CTNNAL1: variants seen among roughly 807,000 people sequenced by gnomAD.
CTNNAL1 encodes the protein catenin alpha like 1, also known as alpha-catulin.
A neutral mutation model predicts 93.6 loss-of-function variants in CTNNAL1; 69 were observed. The ratio of observed to expected loss-of-function variants is 0.74; its 90% CI spans 0.61 to 0.90. CTNNAL1 has a LOEUF of 0.90. Among genes scored for constraint, CTNNAL1 ranks in the 40% least tolerant of loss-of-function variants. The pLI is 0.00. For missense variants in CTNNAL1, 836 were observed against 862.0 expected, an observed-to-expected ratio of 0.97 and a Z score of 0.38; for synonymous variants, 286 against 305.4, an observed-to-expected ratio of 0.94 and a Z score of 0.66.
intron 12 of CTNNAL1, among the ~76,000 whole-genome samples, chr9:108,952,811 G>C (rs1366227353): frequency 6.6e-6 from 1 of 152,124 alleles, no homozygotes; most frequent in Admixed American, 6.5e-5. Flanking sequence ...CAGTATTCCT[G>C]GAGTCCAATT....
chr9:108,993,957 C>T (rs1831912150), intron 2 of CTNNAL1, among the ~76,000 whole-genome samples: 1 of 152,192 alleles, frequency 6.6e-6, no homozygotes, highest in Non-Finnish European at 1.5e-5. Flanking sequence ...CTGGCAGGCA[C>T]AGTGGCTCAC....
intron 7 of CTNNAL1, among the ~76,000 whole-genome samples, chr9:108,977,716 A>G (rs535600098): frequency 2.6e-5 from 4 of 152,308 alleles, no homozygotes; most frequent in African/African-American, 9.6e-5. Flanking sequence ...TAGATATTCA[A>G]TTCTTTGCAT....
chr9:108,961,759 C>T (rs1432313699), intron 11 of CTNNAL1, among the ~76,000 whole-genome samples: 2 of 152,200 alleles, frequency 1.3e-5, no homozygotes, highest in Non-Finnish European at 2.9e-5. Context: ...CTCAAAAGGG[C>T]AGGTAATGTG....
chr9:109,002,102 C>T (rs1447172188), intron 1 of CTNNAL1, among the ~76,000 whole-genome samples: 1 of 152,184 alleles, frequency 6.6e-6, no homozygotes, highest in Non-Finnish European at 1.5e-5. Flanking sequence ...GCTCCTATAA[C>T]AAAATACCTT....
At chr9:108,962,543 A>C (rs565909695) in intron 11 of CTNNAL1, among the ~76,000 whole-genome samples, 1 of 152,318 alleles carries the variant, frequency 6.6e-6, no homozygotes, top group South Asian at 2.1e-4. Flanking sequence ...ATTTGTACAA[A>C]GAAGCAAGGA....
At chr9:109,000,705 A>T (rs543453016) in intron 1 of CTNNAL1, among the ~76,000 whole-genome samples, 32 of 146,866 alleles carry the variant, frequency 2.2e-4, no homozygotes, top group Admixed American at 4.1e-4. Context: ...CAGTGGAGGA[A>T]AAAAAAAAAA....
At chr9:108,977,619 C>G (rs904409946) in intron 7 of CTNNAL1, among the ~76,000 whole-genome samples, 1 of 152,142 alleles carries the variant, frequency 6.6e-6, no homozygotes, top group Admixed American at 6.5e-5. Context: ...TAAAGTCTAT[C>G]TTCCCCACTA....
intron 1 of CTNNAL1, among the ~76,000 whole-genome samples, chr9:109,000,204 A>G (rs1338032902): frequency 6.6e-6 from 1 of 152,220 alleles, no homozygotes; most frequent in Non-Finnish European, 1.5e-5. Context: ...TTTAATATCT[A>G]AATTTCCTCA....
At chr9:108,974,198 G>A (rs1831196282) in intron 8 of CTNNAL1, among the ~76,000 whole-genome samples, 2 of 152,126 alleles carry the variant, frequency 1.3e-5, no homozygotes, top group Non-Finnish European at 2.9e-5. Flanking sequence ...ATTCTATGAG[G>A]TTGACATGGA....
Position 108,942,742 on chromosome 9 carries a change from T to C in CTNNAL1, c.*27A>G, listed in dbSNP as rs1204937205. 7.2e-7 allele frequency: 1 copy of C among 1,384,294 alleles called. No homozygotes were observed. Among genetic ancestry groups the C allele is most frequent in the Non-Finnish European group, 1.0e-6 (1 of 979,722 alleles). 85.8% of individuals were successfully genotyped at this position (1,384,294 alleles called of 1,614,324 possible). A position where few individuals can be genotyped will look rare whatever the true frequency, so the allele number is the denominator to read the frequency against. ...AAAATGTCAGCTTCATCACATGATG[T>C]TCCAGAGATCTGACCCCAAAAGCTT... On this transcript the variant is annotated 3_prime_UTR_variant, in exon 19 of 19. Transcript: ENST00000325551.
intron 1 of CTNNAL1, 25 bp downstream of exon 1, chr9:109,013,277 G>T: frequency 6.8e-7 from 1 of 1,476,098 alleles, no homozygotes; most frequent in Non-Finnish European, 9.0e-7. Context: ...AAGGAGAAGA[G>T]GGGCCGCGCC....
chr9:108,987,748 C>G (rs1226175897), intron 4 of CTNNAL1, among the ~76,000 whole-genome samples: 1 of 152,148 alleles, frequency 6.6e-6, no homozygotes, highest in Non-Finnish European at 1.5e-5. Flanking sequence ...CCTTCACGTC[C>G]CTTGTAGTTG....
intron 1 of CTNNAL1, 25 bp downstream of exon 1, chr9:109,013,277 G>A: frequency 6.8e-7 from 1 of 1,476,098 alleles, no homozygotes. Flanking sequence ...AAGGAGAAGA[G>A]GGGCCGCGCC....
intron 7 of CTNNAL1, among the ~76,000 whole-genome samples, chr9:108,978,188 T>C (rs1192492977): frequency 1.3e-5 from 2 of 152,198 alleles, no homozygotes; most frequent in African/African-American, 2.4e-5. Flanking sequence ...ACTGAAGCAA[T>C]CTACACTTCA....
At position 108,984,372 on chromosome 9, in the gene CTNNAL1, G is replaced by T; in HGVS notation, c.704C>A (p.Thr235Lys). 1 of 1,610,334 alleles carries T rather than the reference G, an allele frequency of 6.2e-7. No homozygotes were observed. Among genetic ancestry groups the T allele is most frequent in the East Asian group, 2.2e-5 (1 of 44,844 alleles). Residue 235 changes from threonine to lysine, a missense_variant, in exon 5 of 19, where the codon ACA becomes AAA. Coordinates refer to ENST00000325551, the MANE Select transcript of CTNNAL1 (RefSeq NM_003798.4). ...AAARAVLEKC[T>K]MMLLTASKTC... is the part of the protein sequence containing the mutation. Reference sequence around the variant, plus strand: ...CTTTGAAGCTGTGAGAAGCATCATTGTACACTTTTCAAGAACTGCCCTAGC... The same window carrying T: ...CTTTGAAGCTGTGAGAAGCATCATTTTACACTTTTCAAGAACTGCCCTAGC...
chr9:108,946,722 A>G (rs1425527649), intron 15 of CTNNAL1, among the ~76,000 whole-genome samples: 1 of 152,244 alleles, frequency 6.6e-6, no homozygotes, highest in Non-Finnish European at 1.5e-5. Context: ...CTGTTCTCCC[A>G]GATCTGACAT....
chr9:108,967,162 T>C (rs1161509359), intron 10 of CTNNAL1, among the ~76,000 whole-genome samples: 1 of 152,138 alleles, frequency 6.6e-6, no homozygotes, highest in African/African-American at 2.4e-5. Flanking sequence ...TGTGAAAAAA[T>C]CATGCTAGGT....
chr9:108,954,824 A>C (rs1196088447), intron 12 of CTNNAL1, among the ~76,000 whole-genome samples: 2 of 147,538 alleles, frequency 1.4e-5, no homozygotes, highest in Non-Finnish European at 3.0e-5. Flanking sequence ...TTCTTCCCCT[A>C]CACCATCAAG....
intron 5 of CTNNAL1, among the ~76,000 whole-genome samples, chr9:108,983,699 T>C (rs532422592): frequency 7.2e-5 from 11 of 152,188 alleles, no homozygotes; most frequent in East Asian, 1.9e-4. Flanking sequence ...TAAAAAATGA[T>C]GTAAATGAAA....
Sources: allele counts gnomAD v4.1 joint callset (sites outside exome capture counted in the v4.1 genomes callset), GRCh38; gene constraint gnomAD v4.1.1; transcripts MANE v1.5; gene names NCBI Gene and HGNC (gene_info 2026-07-23, HGNC 2026-07-21).